Variants in SGCD observed in about 807,000 individuals in gnomAD.
SGCD encodes delta-sarcoglycan.
Under a neutral mutation model 36.6 loss-of-function variants are expected in SGCD, and 18 were observed. The ratio of observed to expected loss-of-function variants is 0.49; its 90% confidence interval spans 0.34 to 0.73. SGCD has a LOEUF of 0.73. SGCD is among the 30% of genes least tolerant of loss of function. The probability of loss-of-function intolerance (pLI) is 0.01; values close to 1 mark genes in which losing one functional copy is unlikely to be tolerated. For synonymous variants in SGCD, 133 were observed against 130.6 expected (o/e 1.02, Z -0.12); for missense variants, 387 against 346.7 (o/e 1.12, Z -0.92).
At chr5:156,070,954 A>G (rs1320491798) in intron 1 of SGCD, among the ~76,000 whole-genome samples, 2 of 152,100 alleles carry the variant, frequency 1.3e-5, no homozygotes, top group African/African-American at 4.8e-5. Context: ...GGTAATTTGT[A>G]TTTCTGTGGG....
chr5:155,743,091 T>C, the SGCD span, among the ~76,000 whole-genome samples: 34 of 152,288 alleles, frequency 2.2e-4, no homozygotes, highest in Non-Finnish European at 1.8e-4. Context: ...CCTAGTCCTT[T>C]TGGAATTTTA....
intron 3 of SGCD, among the ~76,000 whole-genome samples, chr5:156,147,822 G>A (rs1966637): frequency 0.11 from 16,226 of 152,146 alleles, 1,817 homozygotes; most frequent in African/African-American, 0.29. Flanking sequence ...TAAAGGAAGT[G>A]GAACTCATAT....
At chr5:155,897,476 A>G (rs1756291230) in intron 1 of SGCD, among the ~76,000 whole-genome samples, 1 of 152,162 alleles carries the variant, frequency 6.6e-6, no homozygotes, top group Non-Finnish European at 1.5e-5. Flanking sequence ...TTTTTAAAAC[A>G]TACATATTTA....
At chr5:155,971,366 G>A (rs558668773) in intron 1 of SGCD, among the ~76,000 whole-genome samples, 3 of 152,192 alleles carry the variant, frequency 2.0e-5, no homozygotes, top group African/African-American at 7.2e-5. Flanking sequence ...AGAATCCAGA[G>A]GAGGCGACTA....
At chr5:156,370,905 G>A (rs1350663091) in intron 3 of SGCD, among the ~76,000 whole-genome samples, 1 of 152,070 alleles carries the variant, frequency 6.6e-6, no homozygotes, top group Admixed American at 6.6e-5. Context: ...AAGATTCTGT[G>A]GGAGGCTGAG....
intron 3 of SGCD, among the ~76,000 whole-genome samples, chr5:156,311,827 T>C (rs138879401): frequency 1.8e-4 from 27 of 152,340 alleles, no homozygotes; most frequent in Admixed American, 5.9e-4. Context: ...TACCCACTGA[T>C]GGAAACAAAA....
At chr5:156,653,550 G>A (rs1763557607) in intron 7 of SGCD, among the ~76,000 whole-genome samples, 2 of 125,612 alleles carry the variant, frequency 1.6e-5, no homozygotes, top group African/African-American at 5.8e-5. Flanking sequence ...CTGAGTCAGG[G>A]ACCTAGAATG....
At chr5:156,744,333 C>T (rs1327549250) in intron 7 of SGCD, among the ~76,000 whole-genome samples, 1 of 152,230 alleles carries the variant, frequency 6.6e-6, no homozygotes, top group Non-Finnish European at 1.5e-5. Context: ...TGCAGAGCCA[C>T]AGGCACTGTT....
intron 6 of SGCD, among the ~76,000 whole-genome samples, chr5:156,623,176 T>C (rs1232449312): frequency 1.3e-5 from 2 of 152,238 alleles, no homozygotes; most frequent in Non-Finnish European, 1.5e-5. Context: ...CGTGTGTATG[T>C]ACATGAATCT....
At chr5:155,862,573 G>C in the SGCD span, among the ~76,000 whole-genome samples, 1 of 152,184 alleles carries the variant, frequency 6.6e-6, no homozygotes, top group Admixed American at 6.5e-5. Context: ...TTGGCCTCAA[G>C]TGATCCTCCC....
intron 7 of SGCD, among the ~76,000 whole-genome samples, chr5:156,657,693 C>T (rs1022342820): frequency 6.6e-6 from 1 of 151,924 alleles, no homozygotes; most frequent in African/African-American, 2.4e-5. Context: ...AACTAGGAGG[C>T]GGAGGTTGCA....
chr5:156,647,332 C>A, intron 6 of SGCD, 132 bp from the exon 7 acceptor site: 1 of 571,554 alleles, frequency 1.7e-6, no homozygotes, highest in Non-Finnish European at 3.1e-6. Context: ...AGCTCTAAAG[C>A]CAGTGGAAAA....
intron 3 of SGCD, among the ~76,000 whole-genome samples, chr5:156,246,582 GTGTGGAAAC>G (rs1233793665): frequency 6.6e-6 from 1 of 152,156 alleles, no homozygotes; most frequent in Non-Finnish European, 1.5e-5. Context: ...TTGAAGGCAA[GTGTGGAAAC>G]TGTTTCATAT....
intron 3 of SGCD, among the ~76,000 whole-genome samples, chr5:156,369,323 G>C (rs149106677): frequency 6.6e-6 from 1 of 152,284 alleles, no homozygotes; most frequent in African/African-American, 2.4e-5. Context: ...GGGGGCTTTG[G>C]ATTAGGAGTC....
intron 3 of SGCD, among the ~76,000 whole-genome samples, chr5:156,492,327 C>G (rs1755981748): frequency 6.6e-6 from 1 of 151,992 alleles, no homozygotes; most frequent in African/African-American, 2.4e-5. Flanking sequence ...GGAATTGGCT[C>G]ATGTGGTTAG....
intron 6 of SGCD, among the ~76,000 whole-genome samples, chr5:156,612,937 A>C (rs1034181210): frequency 6.6e-6 from 1 of 152,208 alleles, no homozygotes; most frequent in African/African-American, 2.4e-5. Context: ...TCTGGCAGCA[A>C]GGACTATAGG....
At chr5:155,868,086 C>G (rs932633005), upstream of SGCD, among the ~76,000 whole-genome samples, 2 of 151,726 alleles carry the variant, frequency 1.3e-5, no homozygotes, top group African/African-American at 4.8e-5. Flanking sequence ...GAGTCTTGCT[C>G]TGTCGCCCAG....
chr5:156,656,158 A>G (rs1763666717), intron 7 of SGCD, among the ~76,000 whole-genome samples: 1 of 152,176 alleles, frequency 6.6e-6, no homozygotes, highest in Non-Finnish European at 1.5e-5. Flanking sequence ...AGAATTCTTC[A>G]TGTTCACAGT....
At chr5:155,915,975 T>C (rs1756726128) in intron 1 of SGCD, among the ~76,000 whole-genome samples, 2 of 152,176 alleles carry the variant, frequency 1.3e-5, no homozygotes, top group Admixed American at 1.3e-4. Context: ...AAGCAGTAGG[T>C]GTCTTCATAG....
Sources: gnomAD v4.1 joint callset for allele counts (sites outside exome capture counted in the v4.1 genomes callset) on GRCh38, gnomAD v4.1.1 for gene constraint, MANE v1.5 for transcripts, NCBI Gene and HGNC (gene_info 2026-07-23, HGNC 2026-07-21) for gene names.